The following FHIT variants were observed in gnomAD, a reference collection of about 807,000 sequenced individuals.
The protein encoded by FHIT is fragile histidine triad diadenosine triphosphatase.
A neutral mutation model predicts 17.9 loss-of-function variants in FHIT; 19 were observed. The ratio of observed to expected loss-of-function variants is 1.06; its 90% confidence interval spans 0.74 to 1.56. The LOEUF (loss-of-function observed/expected upper bound fraction) is 1.56. Ranked by LOEUF, FHIT falls within the 40% of genes most tolerant of loss-of-function variation. The pLI is 0.00. For synonymous variants in FHIT, 81 were observed against 69.7 expected, an observed-to-expected ratio of 1.16 and a Z score of -0.81; for missense variants, 248 against 189.2, an observed-to-expected ratio of 1.31 and a Z score of -1.82.
chr3:60,828,371 C>G (rs1300213603), intron 3 of FHIT, among the ~76,000 whole-genome samples: 1 of 152,046 alleles, frequency 6.6e-6, no homozygotes, highest in Non-Finnish European at 1.5e-5. Flanking sequence ...TCCTTCAACG[C>G]TCATTAAAAG....
intron 5 of FHIT, among the ~76,000 whole-genome samples, chr3:60,155,352 G>C (rs1700636403): frequency 6.6e-6 from 1 of 152,102 alleles, no homozygotes; most frequent in Non-Finnish European, 1.5e-5. Context: ...AACAGATCCT[G>C]AACCAAACAC....
intron 5 of FHIT, among the ~76,000 whole-genome samples, chr3:60,349,757 C>T (rs1257754247): frequency 1.3e-5 from 2 of 152,132 alleles, no homozygotes; most frequent in Non-Finnish European, 2.9e-5. Context: ...CTAAAGAAAT[C>T]ACAATTTTAA....
chr3:60,080,446 G>T (rs1456060571), intron 5 of FHIT, among the ~76,000 whole-genome samples: 2 of 152,058 alleles, frequency 1.3e-5, no homozygotes, highest in Admixed American at 1.3e-4. Context: ...GCATATTAGA[G>T]CCTCGTAGCC....
At chr3:60,180,472 T>G (rs1210445263) in intron 5 of FHIT, among the ~76,000 whole-genome samples, 2 of 152,144 alleles carry the variant, frequency 1.3e-5, no homozygotes, top group Non-Finnish European at 2.9e-5. Context: ...CTGAAGGAAT[T>G]TTCATGGAGA....
intron 5 of FHIT, among the ~76,000 whole-genome samples, chr3:60,387,371 T>C (rs144734927): frequency 6.0e-4 from 92 of 152,206 alleles, no homozygotes; most frequent in African/African-American, 2.2e-3. Context: ...TCTGTTTCTA[T>C]TATACTTCCT....
intron 4 of FHIT, chr3:60,617,908 A>G (rs1553676621): frequency 9.2e-6 from 2 of 218,498 alleles, no homozygotes; most frequent in African/African-American, 2.4e-5. Context: ...GCCTTCTGTG[A>G]AAGTAATTTG....
At chr3:60,606,611 G>T (rs1018093355) in intron 4 of FHIT, among the ~76,000 whole-genome samples, 2 of 151,962 alleles carry the variant, frequency 1.3e-5, no homozygotes, top group Admixed American at 6.6e-5. Flanking sequence ...TAGTGAATTG[G>T]GTGCCTTTTC....
At chr3:60,715,127 G>A (rs1274875632) in intron 4 of FHIT, among the ~76,000 whole-genome samples, 3 of 151,970 alleles carry the variant, frequency 2.0e-5, no homozygotes, top group African/African-American at 4.8e-5. Context: ...CAGAAATAAT[G>A]CCGCATATCT....
chr3:60,898,196 G>A (rs1326497448), intron 3 of FHIT, among the ~76,000 whole-genome samples: 1 of 151,858 alleles, frequency 6.6e-6, no homozygotes, highest in Non-Finnish European at 1.5e-5. Context: ...ATGTTACTAA[G>A]TTGTCTGCAA....
intron 7 of FHIT, among the ~76,000 whole-genome samples, chr3:60,004,480 C>A (rs1260318083): frequency 1.3e-5 from 2 of 152,082 alleles, no homozygotes; most frequent in Non-Finnish European, 2.9e-5. Flanking sequence ...TTAAGCTTCA[C>A]CTGTGTAATA....
rs550986153 is a variant in FHIT at position 59,976,179 on chromosome 3, G to A, written c.279+35192C>T. On this transcript the variant is annotated intron_variant, in intron 7 of 9. Coordinates refer to ENST00000492590, the MANE Select transcript of FHIT (RefSeq NM_002012.4). Reference sequence around the variant, plus strand: ...TACTGGATGCTGTCTGGGGGGTAAAGGAAGCTTTCAATAATCACATAAACA... The same window carrying A: ...TACTGGATGCTGTCTGGGGGGTAAAAGAAGCTTTCAATAATCACATAAACA... 7.6e-4 allele frequency among the ~76,000 whole-genome samples: 116 copies of A among 152,178 alleles called. 1 individual carries two copies. In the South Asian group the frequency reaches 0.023, roughly 30 times the overall value.
intron 7 of FHIT, among the ~76,000 whole-genome samples, chr3:59,946,144 C>T (rs1209589149): frequency 6.6e-6 from 1 of 152,186 alleles, no homozygotes; most frequent in Non-Finnish European, 1.5e-5. Flanking sequence ...AGTATTGATT[C>T]TTCCTATCCA....
At chr3:61,242,875 T>C (rs1223861220) in intron 1 of FHIT, among the ~76,000 whole-genome samples, 1 of 152,142 alleles carries the variant, frequency 6.6e-6, no homozygotes, top group Non-Finnish European at 1.5e-5. Flanking sequence ...TAGTGCAAGG[T>C]TGGAAAAATA....
At chr3:60,158,940 T>C (rs1054879599) in intron 5 of FHIT, among the ~76,000 whole-genome samples, 1 of 152,162 alleles carries the variant, frequency 6.6e-6, no homozygotes, top group South Asian at 2.1e-4. Context: ...CTCACTGCAA[T>C]GAGCAAAGAA....
At chr3:61,069,368 TC>T in intron 2 of FHIT, among the ~76,000 whole-genome samples, 1 of 152,276 alleles carries the variant, frequency 6.6e-6, no homozygotes, top group South Asian at 2.1e-4. Context: ...GATGTCTAGG[TC>T]ACACACCCCA....
intron 5 of FHIT, among the ~76,000 whole-genome samples, chr3:60,110,275 T>C (rs1466169843): frequency 6.6e-6 from 1 of 152,204 alleles, no homozygotes; most frequent in African/African-American, 2.4e-5. Context: ...TATAAATCTC[T>C]AAGCAGGGTA....
At chr3:60,191,477 C>A (rs1465271666) in intron 5 of FHIT, among the ~76,000 whole-genome samples, 1 of 152,152 alleles carries the variant, frequency 6.6e-6, no homozygotes, top group Non-Finnish European at 1.5e-5. Context: ...ACCATACGAA[C>A]ATAATGGCAG....
At chr3:60,055,923 G>T (rs1449024351) in intron 5 of FHIT, among the ~76,000 whole-genome samples, 1 of 152,174 alleles carries the variant, frequency 6.6e-6, no homozygotes, top group African/African-American at 2.4e-5. Context: ...ATTCCTGTCA[G>T]CTGGCCAAGA....
intron 7 of FHIT, among the ~76,000 whole-genome samples, chr3:60,010,846 C>T (rs1700109621): frequency 6.6e-6 from 1 of 151,802 alleles, no homozygotes; most frequent in Non-Finnish European, 1.5e-5. Flanking sequence ...ATTAAGTACA[C>T]AGGGAGGAAA....
Sources: gnomAD v4.1 joint callset for allele counts (sites outside exome capture counted in the v4.1 genomes callset) on GRCh38, gnomAD v4.1.1 for gene constraint, MANE v1.5 for transcripts, NCBI Gene and HGNC (gene_info 2026-07-23, HGNC 2026-07-21) for gene names.